AKAP14: variants seen among roughly 807,000 people sequenced by gnomAD.
AKAP14 encodes the protein A-kinase anchor protein 14.
AKAP14 carries 4 observed loss-of-function variants against 17.0 expected under a neutral mutation model. That is an observed-to-expected ratio of 0.23 (90% CI 0.12 to 0.54). The LOEUF is 0.54. Among genes scored for constraint, AKAP14 ranks in the 20% least tolerant of loss-of-function variants. The pLI is 0.95. For synonymous variants in AKAP14, 42 were observed against 51.3 expected, an observed-to-expected ratio of 0.82 and a Z score of 0.77; for missense variants, 129 against 150.9, an observed-to-expected ratio of 0.85 and a Z score of 0.76.
At chrX:119,911,059 T>C (rs1447397336) in intron 4 of AKAP14, among the ~76,000 whole-genome samples, 1 of 107,853 alleles carries the variant, frequency 9.3e-6, no homozygotes, top group Admixed American at 1.0e-4. Context: ...CTGTTAGAAA[T>C]GTTTTAATAT....
At position 119,903,516 on chromosome X, in the gene AKAP14, A is replaced by G. The variant is rs1473590416; in HGVS notation, c.191A>G (p.Asn64Ser). 2.5e-6 allele frequency: 3 copies of G among 1,211,872 alleles called. No individual in the cohort carries two copies. The highest frequency in any genetic ancestry group is 1.8e-5 in the South Asian group (1 of 57,002). Residue 64 changes from asparagine (N) to serine (S), a missense_variant, in exon 4 of 7, where the codon AAC (asparagine) becomes AGC (serine). Asn to Ser is a conservative substitution (Grantham distance 46). Coordinates refer to ENST00000371431, the MANE Select transcript of AKAP14 (RefSeq NM_178813.6). ...GCAGAGGAGCGAAACCCTTTGAAAA[A>G]CATCAAGTGGATGACTCACGGTGAA... ...IVEEERNPLKNIKWMTHGEFT... is the reference protein window; with the variant it reads ...IVEEERNPLKSIKWMTHGEFT...
rs190205723 is a variant in AKAP14 at position 119,902,440 on chromosome X, T to C, written c.-10-774T>C. Among the ~76,000 whole-genome samples the C allele has an allele frequency of 1.1e-3, 121 of 110,847 alleles. 2 individuals carry two copies. The highest frequency in any genetic ancestry group is 9.9e-3 in the Admixed American group (102 of 10,308). On this transcript the variant is annotated intron_variant, in intron 2 of 6. Transcript: ENST00000371431. ...GGAGATCTCACTATGTTGCCCAGGCTGGTTTCAAACTCATAGCCTCAAACT... is the reference window on the plus strand; with the variant it reads ...GGAGATCTCACTATGTTGCCCAGGCCGGTTTCAAACTCATAGCCTCAAACT...
intron 5 of AKAP14, 111 bp from the exon 6 acceptor site, chrX:119,919,800 T>C: frequency 2.4e-6 from 2 of 816,455 alleles, no homozygotes; most frequent in East Asian, 3.3e-5. Context: ...GAGCTGAGAT[T>C]GCACCACTGC....
chrX:119,911,930 C>CTTT (rs139737732), intron 4 of AKAP14, among the ~76,000 whole-genome samples: 1 of 93,981 alleles, frequency 1.1e-5, no homozygotes, highest in Non-Finnish European at 2.2e-5. Flanking sequence ...CTGGAGGTTG[C>CTTT]TTTTTTTTTT....
intron 4 of AKAP14, among the ~76,000 whole-genome samples, chrX:119,910,787 C>T (rs1208930981): frequency 4.6e-5 from 5 of 109,822 alleles, no homozygotes; most frequent in African/African-American, 1.3e-4. Flanking sequence ...CTCAGCCTCC[C>T]AAGTAGCTGG....
At chrX:119,899,165 T>TGAAAAA (rs1329675327) in intron 2 of AKAP14, among the ~76,000 whole-genome samples, 1 of 28,186 alleles carries the variant, frequency 3.5e-5, no homozygotes, top group East Asian at 1.6e-3. Flanking sequence ...AGACTCTGTC[T>TGAAAAA]CAAAAAAAAA....
intron 2 of AKAP14, among the ~76,000 whole-genome samples, chrX:119,899,358 G>T (rs1279043198): frequency 1.8e-5 from 2 of 110,691 alleles, no homozygotes; most frequent in African/African-American, 6.6e-5. Context: ...CAGGGCTCCT[G>T]TAGGAAACTG....
Position 119,914,727 on chromosome X carries a change from A to G in AKAP14, c.290A>G (p.His97Arg), listed in dbSNP as rs763312179. Residue 97 changes from histidine to arginine, a missense_variant, in exon 5 of 7, where the codon CAT becomes CGT. His to Arg is a conservative substitution (Grantham distance 29). Coordinates refer to ENST00000371431, the MANE Select transcript of AKAP14 (RefSeq NM_178813.6). ...SKCVSKKCWA[H>R]GVEFVERKDL... The stretch of plus-strand genomic sequence containing the variant: ...TGTGTTTCTAAAAAATGCTGGGCAC[A>G]TGGCGTAGAGTTTGTAGAGAGGAAA... 5.0e-6 allele frequency: 6 copies of G among 1,208,906 alleles called. No homozygotes were observed. Among genetic ancestry groups the G allele is most frequent in the Non-Finnish European group, 6.7e-6 (6 of 894,520 alleles).
chrX:119,906,022 A>G lies in AKAP14; in HGVS notation c.261+2436A>G, dbSNP rs766942379. The stretch of plus-strand genomic sequence containing the variant: ...TGCTCAATAACTCTATGTTGAATAC[A>G]TGAGCAGATTTATTATTGCATTACC... On this transcript the variant is annotated intron_variant, in intron 4 of 6. Transcript: ENST00000371431. Among the ~76,000 whole-genome samples the G allele has an allele frequency of 7.2e-5, 8 of 111,341 alleles. No homozygotes were observed. In the East Asian group the frequency reaches 2.2e-3, roughly 31 times the overall value.
intron 4 of AKAP14, 29 bp from the exon 5 acceptor site, chrX:119,914,670 G>C: frequency 2.5e-6 from 3 of 1,182,117 alleles, no homozygotes; most frequent in Non-Finnish European, 3.4e-6. Flanking sequence ...TTCTTTTTCT[G>C]TGTGCTTTTT....
chrX:119,902,101 G>T (rs1339820393), intron 2 of AKAP14, among the ~76,000 whole-genome samples: 10 of 102,763 alleles, frequency 9.7e-5, no homozygotes, highest in African/African-American at 3.3e-4. Context: ...TCCCTCTGTA[G>T]CCCAGGCTGG....
chrX:119,903,672 G>C (rs1441100527), intron 4 of AKAP14, 86 bp downstream of exon 4: 1 of 1,171,649 alleles, frequency 8.5e-7, no homozygotes, highest in African/African-American at 1.8e-5. Context: ...TTGAAGTCTG[G>C]AAAATCTAGG....
At chrX:119,898,755 C>T (rs900639146) in intron 2 of AKAP14, among the ~76,000 whole-genome samples, 1 of 107,260 alleles carries the variant, frequency 9.3e-6, no homozygotes, top group African/African-American at 3.4e-5. Context: ...CGAGATTTCG[C>T]CATTGCACTC....
intron 2 of AKAP14, among the ~76,000 whole-genome samples, chrX:119,899,878 A>T (rs1420307326): frequency 8.9e-6 from 1 of 111,895 alleles, no homozygotes; most frequent in East Asian, 2.8e-4. Flanking sequence ...ATTTGGAGAG[A>T]GATACCCACT....
At chrX:119,898,553 GATTAC>G (rs1406462587) in intron 2 of AKAP14, among the ~76,000 whole-genome samples, 116 of 108,642 alleles carry the variant, frequency 1.1e-3, no homozygotes, top group Non-Finnish European at 1.9e-3. Flanking sequence ...GCACTTTGGA[GATTAC>G]ACCAAGGCAG....
intron 4 of AKAP14, among the ~76,000 whole-genome samples, chrX:119,904,721 A>G (rs2056587577): frequency 9.0e-6 from 1 of 111,203 alleles, no homozygotes; most frequent in Non-Finnish European, 1.9e-5. Flanking sequence ...CGTCTCTATT[A>G]AAAATACAAA....
intron 5 of AKAP14, among the ~76,000 whole-genome samples, chrX:119,916,846 G>T (rs2056661686): frequency 1.0e-5 from 1 of 100,460 alleles, no homozygotes; most frequent in Non-Finnish European, 2.0e-5. Context: ...GGTGGCTCAT[G>T]CTTGTAATCC....
chrX:119,909,241 C>A (rs992692611), intron 4 of AKAP14, among the ~76,000 whole-genome samples: 2 of 111,415 alleles, frequency 1.8e-5, no homozygotes, highest in Admixed American at 9.7e-5. Context: ...AATCCCAACA[C>A]TTTGGAAGGC....
chrX:119,911,382 T>G (rs1287484385), intron 4 of AKAP14, among the ~76,000 whole-genome samples: 1 of 109,536 alleles, frequency 9.1e-6, no homozygotes, highest in African/African-American at 3.3e-5. Flanking sequence ...AGAAATTTTT[T>G]AATATGGAGA....
Sources: gnomAD v4.1 joint callset for allele counts (sites outside exome capture counted in the v4.1 genomes callset) on GRCh38, gnomAD v4.1.1 for gene constraint, MANE v1.5 for transcripts, NCBI Gene and HGNC (gene_info 2026-07-23, HGNC 2026-07-21) for gene names.